DNHD1: variants seen among roughly 807,000 people sequenced by gnomAD.
DNHD1 encodes dynein heavy chain domain-containing protein 1.
Under a neutral mutation model 458.1 loss-of-function variants are expected in DNHD1, and 383 were observed. The ratio of observed to expected loss-of-function variants is 0.84; its 90% CI spans 0.77 to 0.91. The LOEUF (loss-of-function observed/expected upper bound fraction) is 0.91, where lower values mean the gene tolerates loss of function less well. DNHD1 is among the 40% of genes least tolerant of loss of function. DNHD1 has a pLI of 0.00. For synonymous variants in DNHD1, 2,203 were observed against 2,376.9 expected (o/e 0.93, Z 2.13); for missense variants, 5,336 against 5,866.1 (o/e 0.91, Z 2.95).
intron 7 of DNHD1, among the ~76,000 whole-genome samples, chr11:6,516,541 G>A (rs1376641972): frequency 2.6e-5 from 4 of 151,098 alleles, no homozygotes; most frequent in Non-Finnish European, 4.4e-5. Context: ...CACGTGATCC[G>A]CCCACCTCAG....
chr11:6,558,268 G>A lies in DNHD1; in HGVS notation c.8973G>A (p.Gln2991=). The change falls in exon 25 of 43, where the codon CAG becomes CAA. Residue 2991 remains glutamine, a synonymous_variant. Coordinates refer to ENST00000254579, the MANE Select transcript of DNHD1 (RefSeq NM_144666.3). ...CCAGGGAGAACCTTGGTGTCAAACAGAACATCAAGAAGGAAATGGTGTTGC... is the reference window on the plus strand; with the variant it reads ...CCAGGGAGAACCTTGGTGTCAAACAAAACATCAAGAAGGAAATGGTGTTGC... ...HLPRENLGVK[Q]NIKKEMVLQR... 6.4e-7 allele frequency: 1 copy of A among 1,551,496 alleles called. No individual in the cohort carries two copies. Among genetic ancestry groups the A allele is most frequent in the Non-Finnish European group, 8.7e-7 (1 of 1,146,900 alleles).
chr11:6,524,607 A>G (rs1852672067), intron 10 of DNHD1, among the ~76,000 whole-genome samples: 1 of 152,228 alleles, frequency 6.6e-6, no homozygotes, highest in South Asian at 2.1e-4. Context: ...TGCATGCTTT[A>G]TTCATAAGCT....
intron 3 of DNHD1, among the ~76,000 whole-genome samples, chr11:6,502,332 A>C (rs987049313): frequency 4.6e-5 from 7 of 152,300 alleles, no homozygotes; most frequent in Middle Eastern, 3.4e-3. Flanking sequence ...CAAAGATAGG[A>C]TATTAAATCT....
At position 6,567,741 on chromosome 11, in the gene DNHD1, C is replaced by G; in HGVS notation, c.12232C>G (p.Pro4078Ala). ...TGAAAACACGTATGCTCCCACCATGCCCTTTAAACATAGTCAGGCTACTCA... is the reference window on the plus strand; with the variant it reads ...TGAAAACACGTATGCTCCCACCATGGCCTTTAAACATAGTCAGGCTACTCA... ...LDENTYAPTM[P>A]FKHSQATQPM... The change falls in exon 36 of 43, where the codon CCC (proline) becomes GCC (alanine). Residue 4078 changes from proline to alanine, a missense_variant. Pro to Ala is a conservative substitution (Grantham distance 27, BLOSUM62 -1). Coordinates refer to ENST00000254579, the MANE Select transcript of DNHD1 (RefSeq NM_144666.3). 1 of 1,613,984 alleles carries G rather than the reference C, an allele frequency of 6.2e-7. No individual in the cohort carries two copies. Among genetic ancestry groups the G allele is most frequent in the Non-Finnish European group, 8.5e-7 (1 of 1,179,904 alleles).
At chr11:6,512,650 C>T (rs1411686323) in intron 7 of DNHD1, among the ~76,000 whole-genome samples, 2 of 152,096 alleles carry the variant, frequency 1.3e-5, no homozygotes, top group Non-Finnish European at 2.9e-5. Context: ...CAAATTCCTT[C>T]CCCTTCTAAG....
chr11:6,557,764 G>A lies in DNHD1; in HGVS notation c.8469G>A (p.Gln2823=), dbSNP rs1476799642. ...QEKPSDLVFS[Q]ELILGPNSET... is the part of the protein sequence containing the mutation. ...AGCCCTCAGACCTGGTCTTCAGTCA[G>A]GAGCTGATACTGGGGCCTAACTCTG... The change falls in exon 25 of 43, where the codon CAG becomes CAA. Residue 2823 remains glutamine, a synonymous_variant. Coordinates refer to ENST00000254579, the MANE Select transcript of DNHD1 (RefSeq NM_144666.3). 1 of 1,551,694 alleles carries A rather than the reference G, an allele frequency of 6.4e-7. No homozygotes were observed. Among genetic ancestry groups the A allele is most frequent in the South Asian group, 1.2e-5 (1 of 84,064 alleles).
rs763082522 is a variant in DNHD1 at position 6,556,845 on chromosome 11, G to A, written c.7550G>A (p.Arg2517His). Reference sequence around the variant, plus strand: ...TACTGTGAGCGCCCACTGTGTCCACGCCTCTTTCGACTCTTCACAGTCCTG... The same window carrying A: ...TACTGTGAGCGCCCACTGTGTCCACACCTCTTTCGACTCTTCACAGTCCTG... ...PGYCERPLCPRLFRLFTVLAL... is the reference protein window; with the variant it reads ...PGYCERPLCPHLFRLFTVLAL... Residue 2517 changes from arginine to histidine, a missense_variant, in exon 25 of 43, where the codon CGC (arginine) becomes CAC (histidine). By Grantham distance (29) the Arg-to-His change is conservative. Transcript: ENST00000254579. 1.0e-5 allele frequency: 16 copies of A among 1,551,450 alleles called. No homozygotes were observed. Among genetic ancestry groups the A allele is most frequent in the Middle Eastern group, 1.7e-4 (1 of 6,014 alleles).
chr11:6,544,385 G>C, intron 19 of DNHD1, 139 bp downstream of exon 19: 3 of 1,135,320 alleles, frequency 2.6e-6, no homozygotes, highest in Non-Finnish European at 3.7e-6. Flanking sequence ...TGTTTCTTGG[G>C]ATGAAGAGAT....
intron 28 of DNHD1, among the ~76,000 whole-genome samples, chr11:6,562,219 A>G (rs764690765): frequency 6.6e-6 from 1 of 152,182 alleles, no homozygotes; most frequent in African/African-American, 2.4e-5. Context: ...GCCAAGGGTA[A>G]CAACTCAGTT....
At position 6,567,879 on chromosome 11, in the gene DNHD1, G is replaced by T; in HGVS notation, c.12351+19G>T. 1.3e-6 allele frequency: 2 copies of T among 1,594,976 alleles called. No homozygotes were observed. Among genetic ancestry groups the T allele is most frequent in the Non-Finnish European group, 8.5e-7 (1 of 1,171,276 alleles). The stretch of plus-strand genomic sequence containing the variant: ...TCAGCAGGTTTGAACCTAGTTTCTT[G>T]GCCACAGAGTGACCAGGCTCCTGTG... On this transcript the variant is annotated intron_variant, in intron 36 of 42. Coordinates refer to ENST00000254579, the MANE Select transcript of DNHD1 (RefSeq NM_144666.3).
chr11:6,519,922 T>A, intron 8 of DNHD1, 43 bp from the exon 9 acceptor site: 1 of 1,613,504 alleles, frequency 6.2e-7, no homozygotes, highest in Non-Finnish European at 8.5e-7. Context: ...GAATGTATAC[T>A]GACATCTAGC....
chr11:6,548,828 A>G lies in DNHD1; in HGVS notation c.7282A>G (p.Arg2428Gly). The part of the protein sequence containing the change: ...SSSHLRLLLS[R>G]GIQGQTQASP... ...CTCCCACCTCCGTCTCCTGCTGAGC[A>G]GAGGAATCCAGGGCCAAACACAAGC... Residue 2428 changes from arginine (R) to glycine (G), a missense_variant, in exon 24 of 43, where the codon AGA becomes GGA. Around this residue, in one of 4 missense-constraint regions of DNHD1, gnomAD observed 3,932 missense variants for 4,365.6 expected, o/e 0.90. Transcript: ENST00000254579. This position sits in a 1 kb window ranked among gnomAD's most constrained non-coding sequence, Gnocchi z 4.4. 1 of 1,551,650 alleles carries G rather than the reference A, an allele frequency of 6.4e-7. No homozygotes were observed. The highest frequency in any genetic ancestry group is 8.7e-7 in the Non-Finnish European group (1 of 1,146,976).
chr11:6,565,687 T>A lies in DNHD1; in HGVS notation c.10757-8T>A. ...TAAGAAGAGCTCCTCTGAATCTTTC[T>A]GCCCCAGGGAAAGGCCTCATGAGAA... On this transcript the variant is annotated splice_region_variant and splice_polypyrimidine_tract_variant and intron_variant, in intron 32 of 42. Transcript: ENST00000254579. 6.5e-7 allele frequency: 1 copy of A among 1,538,828 alleles called. No individual in the cohort carries two copies. The highest frequency in any genetic ancestry group is 8.8e-7 in the Non-Finnish European group (1 of 1,142,034).
At chr11:6,526,630 G>C (rs1007760880) in intron 10 of DNHD1, among the ~76,000 whole-genome samples, 1 of 151,978 alleles carries the variant, frequency 6.6e-6, no homozygotes, top group Admixed American at 6.6e-5. Context: ...CTTACTTTCT[G>C]AGGTTTTCTG....
rs980413892 is a variant in DNHD1, at chr11:6,519,551, G to A, written c.1393-49G>A. On this transcript the variant is annotated intron_variant, in intron 7 of 42. Coordinates refer to ENST00000254579, the MANE Select transcript of DNHD1 (RefSeq NM_144666.3). ...GTTTGCACAGACTAGTGGGTGGCTG[G>A]TTTGCTCTCCATCCCCCTATCTGGT... 3.1e-6 allele frequency: 5 copies of A among 1,605,206 alleles called. No individual in the cohort carries two copies. The African/African-American group carries it at 5.3e-5, about 17-fold the overall frequency.
At chr11:6,539,808 A>C (rs1853054226) in intron 17 of DNHD1, 68 bp from the exon 18 acceptor site, 2 of 1,443,568 alleles carry the variant, frequency 1.4e-6, no homozygotes, top group Non-Finnish European at 1.9e-6. Context: ...CCAATCCCCA[A>C]GTCTCGGCTC....
At chr11:6,504,594 C>A (rs1852194372) in intron 4 of DNHD1, among the ~76,000 whole-genome samples, 1 of 152,214 alleles carries the variant, frequency 6.6e-6, no homozygotes, top group African/African-American at 2.4e-5. Context: ...GGATTACAGG[C>A]ATGTGTCACC....
rs201817383 is a variant in DNHD1, at chr11:6,563,436, G to C, written c.9724G>C (p.Glu3242Gln). Residue 3242 changes from glutamate (E) to glutamine (Q), a missense_variant, in exon 30 of 43, where the codon GAG becomes CAG. Around this residue, in one of 4 missense-constraint regions of DNHD1, gnomAD observed 3,932 missense variants for 4,365.6 expected, o/e 0.90. Transcript: ENST00000254579. The stretch of plus-strand genomic sequence containing the variant: ...CCAGCTGCAGGTGGCTGACTTTGAG[G>C]AGATACGGAGCTATCGAGCACCACC... ...LSQLQVADFE[E>Q]IRSYRAPPES... 312 of 1,551,736 alleles carry C rather than the reference G, an allele frequency of 2.0e-4. 1 individual carries two copies. Among genetic ancestry groups the C allele is most frequent in the Middle Eastern group, 1.2e-3 (7 of 5,992 alleles).
chr11:6,561,907 T>C (rs561102491), intron 28 of DNHD1, among the ~76,000 whole-genome samples: 4 of 151,844 alleles, frequency 2.6e-5, no homozygotes, highest in African/African-American at 9.7e-5. Context: ...AGAGATGAGA[T>C]TGAAATGATG....
Sources: gnomAD v4.1 joint callset for allele counts (sites outside exome capture counted in the v4.1 genomes callset) on GRCh38, gnomAD v4.1.1 for gene constraint, gnomAD v4.1.1 regional missense constraint, Gnocchi (gnomAD v3.1) non-coding constraint, MANE v1.5 for transcripts, NCBI Gene and HGNC (gene_info 2026-07-23, HGNC 2026-07-21) for gene names.